The following KLF13 variants were observed in gnomAD, a reference collection of about 807,000 sequenced individuals.
KLF13 encodes the protein Krueppel-like factor 13.
KLF13 carries 8 observed loss-of-function variants against 16.7 expected under a neutral mutation model. The observed-to-expected ratio is 0.48, with a 90% CI of 0.28 to 0.87. The LOEUF is 0.87. Among genes scored for constraint, KLF13 ranks in the 40% least tolerant of loss-of-function variants. The pLI is 0.10. For synonymous variants in KLF13, 245 were observed against 208.4 expected (o/e 1.18, Z -1.51); for missense variants, 447 against 452.2 (o/e 0.99, Z 0.10).
intron 1 of KLF13, among the ~76,000 whole-genome samples, chr15:31,351,323 A>G (rs2039211413): frequency 6.6e-6 from 1 of 152,194 alleles, no homozygotes; most frequent in African/African-American, 2.4e-5. Flanking sequence ...TGAAGAGGAA[A>G]ATCAATAACT....
At chr15:31,391,747 G>C (rs2039874092), upstream of KLF13, among the ~76,000 whole-genome samples, 2 of 152,174 alleles carry the variant, frequency 1.3e-5, no homozygotes, top group South Asian at 4.1e-4. Context: ...GTGTGGGCTG[G>C]GTGTTACTGC....
chr15:31,334,468 C>T (rs1016615106), intron 1 of KLF13, among the ~76,000 whole-genome samples: 1 of 152,044 alleles, frequency 6.6e-6, no homozygotes, highest in Non-Finnish European at 1.5e-5. Context: ...GCTCTTGTCC[C>T]CCAGGCTGGA....
At chr15:31,355,822 C>T (rs1420451832) in intron 1 of KLF13, among the ~76,000 whole-genome samples, 2 of 151,878 alleles carry the variant, frequency 1.3e-5, no homozygotes, top group Non-Finnish European at 2.9e-5. Flanking sequence ...CTGTTGTCCC[C>T]ACACCCCCAG....
intron 1 of KLF13, chr15:31,420,253 C>T: frequency 2.9e-6 from 2 of 698,994 alleles, no homozygotes; most frequent in Admixed American, 1.8e-5. Context: ...TGATGACCCT[C>T]ATGATATCTG....
At chr15:31,385,444 A>G (rs752861361) in intron 1 of KLF13, among the ~76,000 whole-genome samples, 23 of 152,212 alleles carry the variant, frequency 1.5e-4, no homozygotes, top group Non-Finnish European at 2.2e-4. Flanking sequence ...TTAGAAATTG[A>G]AGATTTGTGG....
chr15:31,364,840 T>C (rs1254598336), intron 1 of KLF13, among the ~76,000 whole-genome samples: 1 of 152,214 alleles, frequency 6.6e-6, no homozygotes, highest in Non-Finnish European at 1.5e-5. Context: ...TCCATGTGGC[T>C]TAATAAACCA....
intron 1 of KLF13, among the ~76,000 whole-genome samples, chr15:31,344,328 T>C (rs2039078173): frequency 6.6e-6 from 1 of 152,218 alleles, no homozygotes. Context: ...GTGGCCTCCT[T>C]CACCTGCCTT....
At chr15:31,424,653 C>T (rs933066018) in intron 1 of KLF13, among the ~76,000 whole-genome samples, 6 of 151,834 alleles carry the variant, frequency 4.0e-5, no homozygotes, top group Middle Eastern at 3.2e-3. Context: ...TACAAAAAGC[C>T]CACAGCCAAC....
intron 1 of KLF13, 82 bp downstream of exon 1, chr15:31,327,871 G>A: frequency 8.3e-7 from 1 of 1,199,950 alleles, no homozygotes; most frequent in Non-Finnish European, 1.0e-6. Context: ...AGTCCCCGAT[G>A]GGGCGCGAGG....
upstream of KLF13, among the ~76,000 whole-genome samples, chr15:31,390,425 C>G (rs1420132064): frequency 6.6e-6 from 1 of 152,188 alleles, no homozygotes; most frequent in Non-Finnish European, 1.5e-5. Context: ...GTATAGAAAA[C>G]AAGGTTCAAA....
intron 1 of KLF13, among the ~76,000 whole-genome samples, chr15:31,383,733 TA>T (rs2039758223): frequency 1.3e-5 from 2 of 152,006 alleles, no homozygotes; most frequent in Admixed American, 1.3e-4. Context: ...ACCCCGTTTC[TA>T]CTAAAAATGC....
chr15:31,418,724 C>T (rs1419839726), intron 1 of KLF13, among the ~76,000 whole-genome samples: 1 of 152,072 alleles, frequency 6.6e-6, no homozygotes, highest in Non-Finnish European at 1.5e-5. Context: ...AATTTTTATA[C>T]AAAGCTACCA....
At chr15:31,423,636 A>G (rs540164599) in intron 1 of KLF13, among the ~76,000 whole-genome samples, 1 of 152,314 alleles carries the variant, frequency 6.6e-6, no homozygotes, top group South Asian at 2.1e-4. Context: ...CCATCTCAAA[A>G]AAAAGGAACT....
chr15:31,349,734 T>C (rs1008898830), intron 1 of KLF13, among the ~76,000 whole-genome samples: 1 of 152,196 alleles, frequency 6.6e-6, no homozygotes, highest in Non-Finnish European at 1.5e-5. Context: ...TGACCCAGGC[T>C]GGGAGCAGGG....
intron 1 of KLF13, among the ~76,000 whole-genome samples, chr15:31,426,780 G>A (rs531929766): frequency 6.6e-6 from 1 of 152,300 alleles, no homozygotes; most frequent in East Asian, 1.9e-4. Flanking sequence ...GTTTCCAGAG[G>A]AGATTGGTGT....
chr15:31,354,768 T>C (rs1028510203), intron 1 of KLF13, among the ~76,000 whole-genome samples: 2 of 152,192 alleles, frequency 1.3e-5, no homozygotes, highest in African/African-American at 2.4e-5. Context: ...CAGCACCTGC[T>C]AGCCCCCTGC....
chr15:31,356,893 C>T (rs928421805), intron 1 of KLF13, among the ~76,000 whole-genome samples: 6 of 152,162 alleles, frequency 3.9e-5, no homozygotes, highest in Non-Finnish European at 5.9e-5. Context: ...TCCTCTGCAG[C>T]GGGCCCGTCG....
chr15:31,405,466 C>T (rs923565884), downstream of KLF13, among the ~76,000 whole-genome samples: 3 of 152,234 alleles, frequency 2.0e-5, no homozygotes, highest in African/African-American at 7.2e-5. Flanking sequence ...TTAGACTTTC[C>T]AGTTTCTGGA....
intron 1 of KLF13, among the ~76,000 whole-genome samples, chr15:31,329,879 G>A (rs2038796670): frequency 6.6e-6 from 1 of 152,212 alleles, no homozygotes; most frequent in Non-Finnish European, 1.5e-5. Flanking sequence ...GGGGAGTTGG[G>A]AAGAATGCAG....
Sources: gnomAD v4.1 joint callset for allele counts (sites outside exome capture counted in the v4.1 genomes callset) on GRCh38, gnomAD v4.1.1 for gene constraint, MANE v1.5 for transcripts, NCBI Gene and HGNC (gene_info 2026-07-23, HGNC 2026-07-21) for gene names.